The following CNGB1 variants were observed in gnomAD, a reference collection of about 807,000 sequenced individuals.
The protein encoded by CNGB1 is cyclic nucleotide gated channel subunit beta 1, also known as cyclic nucleotide-gated channel beta-1.
CNGB1 carries 126 observed loss-of-function variants against 151.7 expected under a neutral mutation model. That is an observed-to-expected ratio of 0.83 (90% CI 0.72 to 0.96). CNGB1 has a LOEUF of 0.96. Among genes scored for constraint, CNGB1 ranks in the 40% least tolerant of loss-of-function variants. The pLI is 0.00. For missense variants in CNGB1, 1,698 were observed against 1,627.0 expected, an observed-to-expected ratio of 1.04 and a Z score of -0.75; for synonymous variants, 623 against 635.1, an observed-to-expected ratio of 0.98 and a Z score of 0.29.
At chr16:57,969,027 C>A (rs1191702585) in intron 1 of CNGB1, among the ~76,000 whole-genome samples, 1 of 149,598 alleles carries the variant, frequency 6.7e-6, no homozygotes, top group Admixed American at 6.7e-5. Flanking sequence ...AAAAATGGGC[C>A]TGTTGTGGTA....
At chr16:57,964,082 A>G (rs751841398) in intron 4 of CNGB1, 48 bp downstream of exon 4, 2 of 1,551,456 alleles carry the variant, frequency 1.3e-6, no homozygotes, top group East Asian at 4.5e-5. Context: ...CTGGGAGGGT[A>G]GTTGGGAGGC....
intron 16 of CNGB1, among the ~76,000 whole-genome samples, chr16:57,936,147 T>C (rs1325097524): frequency 3.3e-5 from 5 of 152,148 alleles, no homozygotes; most frequent in African/African-American, 7.2e-5. Context: ...GAGTGAGCAG[T>C]AGCAGCCCAA....
At chr16:57,960,175 C>G in intron 9 of CNGB1, 110 bp from the exon 10 acceptor site, 2 of 1,494,670 alleles carry the variant, frequency 1.3e-6, no homozygotes, top group Non-Finnish European at 1.8e-6. Context: ...GAATGGGGAG[C>G]CCTTTGGGAC....
chr16:57,911,775 C>G lies in CNGB1; in HGVS notation c.2470G>C (p.Val824Leu), dbSNP rs747921487. ...CACCTGTTTCCCACGCCATCGTAAA[C>G]CCAGTGAGTGGAGCCGAGGCCCTGA... ...AYQGLGSTHWVYDGVGNSYIR... is the reference protein window; with the variant it reads ...AYQGLGSTHWLYDGVGNSYIR... The change falls in exon 25 of 33, where the codon GTT becomes CTT. Residue 824 changes from valine (V) to leucine (L), a missense_variant. By Grantham distance (32) the Val-to-Leu change is conservative (BLOSUM62 1). Coordinates refer to ENST00000251102, the MANE Select transcript of CNGB1 (RefSeq NM_001297.5). 16 of 1,613,974 alleles carry G rather than the reference C, an allele frequency of 9.9e-6. No individual in the cohort carries two copies. Among genetic ancestry groups the G allele is most frequent in the African/African-American group, 1.3e-5 (1 of 74,944 alleles).
intron 17 of CNGB1, among the ~76,000 whole-genome samples, chr16:57,925,984 G>A (rs1425334859): frequency 6.6e-6 from 1 of 152,102 alleles, no homozygotes; most frequent in Non-Finnish European, 1.5e-5. Context: ...CACCGCCCCC[G>A]GCCATGATTA....
At chr16:57,889,705 A>T (rs1360628856) in intron 31 of CNGB1, among the ~76,000 whole-genome samples, 1 of 152,166 alleles carries the variant, frequency 6.6e-6, no homozygotes, top group African/African-American at 2.4e-5. Flanking sequence ...CTCATTTCCA[A>T]ATGAGGGTAT....
chr16:57,930,807 C>A (rs1447795275), intron 17 of CNGB1, among the ~76,000 whole-genome samples: 5 of 151,944 alleles, frequency 3.3e-5, no homozygotes, highest in African/African-American at 1.2e-4. Flanking sequence ...TAGTCAAGCT[C>A]ATAGAAACAG....
intron 20 of CNGB1, 101 bp downstream of exon 20, chr16:57,918,998 C>G: frequency 6.3e-7 from 1 of 1,579,834 alleles, no homozygotes. Context: ...TCTGTGGCCT[C>G]CCATCCCACC....
At chr16:57,940,124 G>T in intron 15 of CNGB1, 110 bp downstream of exon 15, 1 of 1,055,464 alleles carries the variant, frequency 9.5e-7, no homozygotes, top group Non-Finnish European at 1.4e-6. Flanking sequence ...CTGTCCTGCG[G>T]GCATCTTACC....
In CNGB1 at chr16:57,911,737, G is replaced by A; in HGVS notation, c.2492+16C>T. The A allele has an allele frequency of 6.2e-7, 1 of 1,613,662 alleles. No individual in the cohort carries two copies. The highest frequency in any genetic ancestry group is 8.5e-7 in the Non-Finnish European group (1 of 1,179,752). On this transcript the variant is annotated intron_variant, in intron 25 of 32. Coordinates refer to ENST00000251102, the MANE Select transcript of CNGB1 (RefSeq NM_001297.5). Reference sequence around the variant, plus strand: ...GGTCACCCAGGCATGGCCCCAGGGGGAGGACTGTGGCTCACCTGTTTCCCA... The same window carrying A: ...GGTCACCCAGGCATGGCCCCAGGGGAAGGACTGTGGCTCACCTGTTTCCCA...
intron 13 of CNGB1, among the ~76,000 whole-genome samples, chr16:57,949,664 T>C (rs570470303): frequency 6.6e-6 from 1 of 152,332 alleles, no homozygotes; most frequent in African/African-American, 2.4e-5. Flanking sequence ...GTCCTGGTGG[T>C]GACCCTAGGT....
At position 57,915,369 on chromosome 16, in the gene CNGB1, CG is replaced by C. The variant is rs1256999209; in HGVS notation, c.2218-35del. 4 of 1,527,728 alleles carry C rather than the reference CG, an allele frequency of 2.6e-6. No individual in the cohort carries two copies. The African/African-American group carries it at 4.1e-5, about 16-fold the overall frequency. The allele number at this position is 1,527,728 out of a possible 1,614,324, so 94.6% of individuals were successfully genotyped here. ...CCAGTGGGACACCATGGGGGTAAAA[CG>C]GATGACTCCAGGGTGGAAGGTGAGG... On this transcript the variant is annotated intron_variant, in intron 22 of 32. Coordinates refer to ENST00000251102, the MANE Select transcript of CNGB1 (RefSeq NM_001297.5).
At chr16:57,891,125 C>G (rs1960078309) in intron 31 of CNGB1, among the ~76,000 whole-genome samples, 3 of 152,318 alleles carry the variant, frequency 2.0e-5, no homozygotes, top group Admixed American at 1.3e-4. Flanking sequence ...AAAAGCATGG[C>G]TTTCCTGAGC....
intron 25 of CNGB1, among the ~76,000 whole-genome samples, chr16:57,909,533 C>T (rs1960650728): frequency 6.6e-6 from 1 of 152,096 alleles, no homozygotes; most frequent in African/African-American, 2.4e-5. Flanking sequence ...GGATTACAGG[C>T]GTGCATCACC....
intron 25 of CNGB1, among the ~76,000 whole-genome samples, chr16:57,908,314 A>G (rs1489492355): frequency 6.6e-6 from 1 of 152,174 alleles, no homozygotes; most frequent in Non-Finnish European, 1.5e-5. Flanking sequence ...TGAACAATTA[A>G]CCACTCTACA....
intron 16 of CNGB1, among the ~76,000 whole-genome samples, chr16:57,936,550 T>C (rs1338492053): frequency 5.3e-5 from 8 of 152,116 alleles, no homozygotes; most frequent in African/African-American, 1.9e-4. Flanking sequence ...CCCAGCACTT[T>C]GGGAGGCCGA....
chr16:57,950,645 G>A (rs1303611083), intron 12 of CNGB1, 105 bp from the exon 13 acceptor site: 11 of 1,153,316 alleles, frequency 9.5e-6, no homozygotes, highest in Non-Finnish European at 1.4e-5. Flanking sequence ...CGCCAGCAGT[G>A]CCTCAGTGCT....
intron 8 of CNGB1, 60 bp downstream of exon 8, chr16:57,960,780 C>T: frequency 6.4e-7 from 1 of 1,559,162 alleles, no homozygotes; most frequent in Non-Finnish European, 8.8e-7. Context: ...GCAGTCCCTC[C>T]TGGGGCCCCA....
rs139592988 is a variant in CNGB1, at chr16:57,930,538, G to A, written c.1535+1178C>T. On this transcript the variant is annotated intron_variant, in intron 17 of 32. Coordinates refer to ENST00000251102, the MANE Select transcript of CNGB1 (RefSeq NM_001297.5). ...GGGGAGGGAAGGAGAGGGGAAGAGAGGGGAGGGGAGAGAGAGGGGAAGGAG... is the reference window on the plus strand; with the variant it reads ...GGGGAGGGAAGGAGAGGGGAAGAGAAGGGAGGGGAGAGAGAGGGGAAGGAG... Among the ~76,000 whole-genome samples the A allele has an allele frequency of 8.9e-3, 1,244 of 139,584 alleles. 31 individuals are homozygous for A. Among genetic ancestry groups the A allele is most frequent in the East Asian group, 0.071 (330 of 4,624 alleles). The allele number at this position is 139,584 out of a possible 152,430, so 91.6% of individuals were successfully genotyped here.
Sources: gnomAD v4.1 joint callset for allele counts (sites outside exome capture counted in the v4.1 genomes callset) on GRCh38, gnomAD v4.1.1 for gene constraint, MANE v1.5 for transcripts, NCBI Gene and HGNC (gene_info 2026-07-23, HGNC 2026-07-21) for gene names.